Variants in TPX2 observed in about 807,000 individuals in gnomAD.
The protein encoded by TPX2 is targeting protein for Xklp2.
In TPX2, 21 loss-of-function variants were observed where a neutral mutation model predicts 93.6. The observed-to-expected ratio is 0.22, with a 90% CI of 0.16 to 0.32. The LOEUF (loss-of-function observed/expected upper bound fraction) is 0.32, where lower values mean the gene tolerates loss of function less well. Ranked by LOEUF, TPX2 falls within the 10% of genes least tolerant of loss-of-function variation. The pLI is 1.00. For missense variants in TPX2, 776 were observed against 871.1 expected (o/e 0.89, Z 1.37); for synonymous variants, 281 against 298.3 (o/e 0.94, Z 0.60).
Position 31,801,067 on chromosome 20 carries a change from G to C in TPX2, c.2231G>C (p.Arg744Pro). ...TVPVSPKFST[R>P]FHC The stretch of plus-strand genomic sequence containing the variant: ...CCTGTATCTCCCAAATTCTCCACTC[G>C]ATTCCACTGCTAAACTCAGCTGTGA... The change falls in exon 18 of 18, where the codon CGA (arginine) becomes CCA (proline). Residue 744 changes from arginine (R) to proline (P), a missense_variant. By Grantham distance (103) the Arg-to-Pro change is moderately radical (BLOSUM62 -2). Transcript: ENST00000300403. The C allele has an allele frequency of 6.2e-7, 1 of 1,614,048 alleles. No individual in the cohort carries two copies. Among genetic ancestry groups the C allele is most frequent in the Non-Finnish European group, 8.5e-7 (1 of 1,179,978 alleles).
At chr20:31,786,390 C>A (rs1006006633) in intron 12 of TPX2, among the ~76,000 whole-genome samples, 1 of 123,622 alleles carries the variant, frequency 8.1e-6, no homozygotes, top group African/African-American at 3.5e-5. Context: ...TCAGTCACAC[C>A]TGAACTACTG....
intron 12 of TPX2, among the ~76,000 whole-genome samples, chr20:31,786,964 C>T (rs2123070750): frequency 6.6e-6 from 1 of 152,152 alleles, no homozygotes; most frequent in East Asian, 1.9e-4. Flanking sequence ...TTCTCAGAAT[C>T]CTCTGGGGCT....
chr20:31,795,253 C>T (rs1272818997), intron 15 of TPX2, among the ~76,000 whole-genome samples: 2 of 152,196 alleles, frequency 1.3e-5, no homozygotes, highest in Non-Finnish European at 2.9e-5. Context: ...CCCACCTCAG[C>T]CTCCCGAGTA....
chr20:31,739,761 T>TGAGGAAG (rs1298971915), intron 1 of TPX2, 140 bp downstream of exon 1: 2 of 152,354 alleles, frequency 1.3e-5, no homozygotes, highest in East Asian at 1.9e-4. Flanking sequence ...TGACAGAAAC[T>TGAGGAAG]GAGGAAGGAG....
Position 31,795,377 on chromosome 20 carries a change from G to C in TPX2, c.1833+829G>C, listed in dbSNP as rs140161368. On this transcript the variant is annotated intron_variant, in intron 15 of 17. Coordinates refer to ENST00000300403, the MANE Select transcript of TPX2 (RefSeq NM_012112.5). ...TCAAACTCCTGATCTCAAGTGATCT[G>C]CCCACCGTGGCCTCCCAAAGTGCTG... Among the ~76,000 whole-genome samples the C allele has an allele frequency of 2.0e-5, 3 of 152,324 alleles. No homozygotes were observed. In the East Asian group the frequency reaches 5.8e-4, roughly 29 times the overall value.
intron 8 of TPX2, among the ~76,000 whole-genome samples, chr20:31,776,702 G>A (rs2062002353): frequency 1.3e-5 from 2 of 151,552 alleles, no homozygotes; most frequent in Non-Finnish European, 2.9e-5. Flanking sequence ...GTTCTTTGTA[G>A]TTTTAGTAGA....
chr20:31,773,557 G>A (rs1013170682), intron 7 of TPX2, among the ~76,000 whole-genome samples: 1 of 152,090 alleles, frequency 6.6e-6, no homozygotes. Flanking sequence ...CTCTCAAAGT[G>A]CTGGGTATAG....
Position 31,785,138 on chromosome 20 carries a change from C to A in TPX2, c.1413+1217C>A, listed in dbSNP as rs545034091. ...GATTATGCTTAGAAATGGTTCTCCTCCCTGATACCTACTTTTGATTGAGAG... is the reference window on the plus strand; with the variant it reads ...GATTATGCTTAGAAATGGTTCTCCTACCTGATACCTACTTTTGATTGAGAG... On this transcript the variant is annotated intron_variant, in intron 12 of 17. Coordinates refer to ENST00000300403, the MANE Select transcript of TPX2 (RefSeq NM_012112.5). 2.0e-5 allele frequency among the ~76,000 whole-genome samples: 3 copies of A among 152,322 alleles called. No homozygotes were observed. In the South Asian group the frequency reaches 6.2e-4, roughly 32 times the overall value.
At chr20:31,757,709 C>T (rs975190218) in intron 3 of TPX2, 127 bp downstream of exon 3, 4 of 673,860 alleles carry the variant, frequency 5.9e-6, no homozygotes, top group African/African-American at 3.6e-5. Context: ...CCAAGACATT[C>T]TGTCATCCAT....
At chr20:31,799,277 A>G (rs2062155855) in intron 17 of TPX2, among the ~76,000 whole-genome samples, 2 of 152,246 alleles carry the variant, frequency 1.3e-5, no homozygotes, top group African/African-American at 2.4e-5. Context: ...GGAACTTCGT[A>G]TGATAAATAA....
intron 12 of TPX2, among the ~76,000 whole-genome samples, chr20:31,788,543 TC>T (rs988516401): frequency 2.0e-5 from 3 of 151,646 alleles, no homozygotes; most frequent in African/African-American, 4.8e-5. Context: ...CCCATCCACG[TC>T]CCCCCCAGTG....
rs532922203 is a variant in TPX2, at chr20:31,740,938, TG to T, written c.-178+1319del. Among the ~76,000 whole-genome samples the T allele has an allele frequency of 2.9e-3, 436 of 152,298 alleles. 1 individual carries two copies. The highest frequency in any genetic ancestry group is 9.4e-3 in the African/African-American group (391 of 41,560). On this transcript the variant is annotated intron_variant, in intron 1 of 17. Coordinates refer to ENST00000300403, the MANE Select transcript of TPX2 (RefSeq NM_012112.5). Reference sequence around the variant, plus strand: ...CTACAAAATTGCGGGTATGAAAAACTGGATTGTATTCAACTAGGTTGGTAAA... The same window carrying T: ...CTACAAAATTGCGGGTATGAAAAACTGATTGTATTCAACTAGGTTGGTAAA...
intron 2 of TPX2, among the ~76,000 whole-genome samples, chr20:31,756,285 TGGAGA>T: frequency 6.6e-6 from 1 of 152,008 alleles, no homozygotes; most frequent in Non-Finnish European, 1.5e-5. Context: ...AGTGTTACAG[TGGAGA>T]TATAAACAAA....
chr20:31,744,362 A>G (rs193239335), intron 2 of TPX2, among the ~76,000 whole-genome samples: 2 of 149,690 alleles, frequency 1.3e-5, no homozygotes, highest in East Asian at 4.1e-4. Flanking sequence ...GTTTCACCAT[A>G]TTGGCCAGGC....
chr20:31,752,260 G>A lies in TPX2; in HGVS notation c.-70-5147G>A, dbSNP rs560450752. ...CCTTCAAGGCAAGAAGAAGGATAAAGGGAAAGGGCAGGAATAAGGGCTATA... is the reference window on the plus strand; with the variant it reads ...CCTTCAAGGCAAGAAGAAGGATAAAAGGAAAGGGCAGGAATAAGGGCTATA... On this transcript the variant is annotated intron_variant, in intron 2 of 17. Transcript: ENST00000300403. Among the ~76,000 whole-genome samples, 67 of 152,276 alleles carry A rather than the reference G, an allele frequency of 4.4e-4. No homozygotes were observed. In the South Asian group the frequency reaches 0.012, roughly 28 times the overall value.
In TPX2 at chr20:31,739,316, G is replaced by C. The variant is rs1369666974; in HGVS notation, c.-483G>C. On this transcript the variant is annotated 5_prime_UTR_variant, in exon 1 of 18. Transcript: ENST00000300403. ...AATGAGTCCCGCGGCGGGTTGGCTC[G>C]CGCTTCGTTGTCAGATCTGAGGCGA... is the stretch of plus-strand genomic sequence containing the variant. 6.6e-6 allele frequency: 1 copy of C among 152,212 alleles called. No individual in the cohort carries two copies. The highest frequency in any genetic ancestry group is 2.4e-5 in the African/African-American group (1 of 41,448). The allele number at this position is 152,212 out of a possible 1,614,324, so 9.4% of individuals were successfully genotyped here. A position where few individuals can be genotyped will look rare whatever the true frequency, so the allele number is the denominator to read the frequency against.
intron 4 of TPX2, among the ~76,000 whole-genome samples, chr20:31,766,303 G>T (rs1198259821): frequency 2.0e-5 from 3 of 152,016 alleles, no homozygotes; most frequent in Non-Finnish European, 4.4e-5. Flanking sequence ...TCATGAGATT[G>T]TGTTTGGGAT....
chr20:31,762,200 T>G (rs917929105), intron 4 of TPX2, among the ~76,000 whole-genome samples: 1 of 152,182 alleles, frequency 6.6e-6, no homozygotes, highest in African/African-American at 2.4e-5. Flanking sequence ...CTCTGTTGAT[T>G]GTTTCCTCTG....
At chr20:31,782,881 TAC>T (rs1360260543) in intron 11 of TPX2, among the ~76,000 whole-genome samples, 3 of 94,716 alleles carry the variant, frequency 3.2e-5, no homozygotes, top group Non-Finnish European at 6.4e-5. Context: ...GTCTTGCACA[TAC>T]ACACATACAC....
Sources: gnomAD v4.1 joint callset for allele counts (sites outside exome capture counted in the v4.1 genomes callset) on GRCh38, gnomAD v4.1.1 for gene constraint, MANE v1.5 for transcripts, NCBI Gene and HGNC (gene_info 2026-07-23, HGNC 2026-07-21) for gene names.